The following LHX3 variants were observed in gnomAD, a reference collection of about 807,000 sequenced individuals.
The protein encoded by LHX3 is LIM/homeobox protein Lhx3.
In LHX3, 21 loss-of-function variants were observed where a neutral mutation model predicts 32.4. The observed-to-expected ratio is 0.65, with a 90% CI of 0.46 to 0.93. The LOEUF (loss-of-function observed/expected upper bound fraction) is 0.93, where lower values mean the gene tolerates loss of function less well. LHX3 is among the 40% of genes least tolerant of loss of function. The probability of loss-of-function intolerance (pLI) is 0.00; values close to 1 mark genes in which losing one functional copy is unlikely to be tolerated. For synonymous variants in LHX3, 258 were observed against 246.8 expected (o/e 1.05, Z -0.43); for missense variants, 626 against 560.0 (o/e 1.12, Z -1.19).
Position 136,197,412 on chromosome 9 carries a change from G to T in LHX3, c.1107C>A (p.Asp369Glu). 3 of 1,607,968 alleles carry T rather than the reference G, an allele frequency of 1.9e-6. No individual in the cohort carries two copies. Among genetic ancestry groups the T allele is most frequent in the Non-Finnish European group, 2.5e-6 (3 of 1,178,116 alleles). Residue 369 changes from aspartate to glutamate, a missense_variant, in exon 6 of 6, where the codon GAC (aspartate) becomes GAA (glutamate). Physicochemically the swap from Asp to Glu is conservative, Grantham distance 45. Coordinates refer to ENST00000371748, the MANE Select transcript of LHX3 (RefSeq NM_178138.6). ...RVLAGNGPSSDLSTGSSGGYP... is the reference protein window; with the variant it reads ...RVLAGNGPSSELSTGSSGGYP... ...AACCCCCGCTGCTCCCCGTGGATAG[G>T]TCAGAACTGGGTCCGTTCCCTGCCA... is the stretch of plus-strand genomic sequence containing the variant.
Position 136,197,164 on chromosome 9 carries a change from G to A in LHX3, c.*161C>T. On this transcript the variant is annotated 3_prime_UTR_variant, in exon 6 of 6. Transcript: ENST00000371748. ...GAGGAGGGGCCAGGTGGGTCCCTCA[G>A]CCCCCAGAGAGGGAGCTGTGCGGTC... 1 of 763,922 alleles carries A rather than the reference G, an allele frequency of 1.3e-6. No homozygotes were observed. Among genetic ancestry groups the A allele is most frequent in the South Asian group, 1.7e-5 (1 of 58,346 alleles). 47.3% of individuals were successfully genotyped at this position (763,922 alleles called of 1,614,324 possible).
At position 136,197,749 on chromosome 9, in the gene LHX3, A is replaced by G. The variant is rs1335821091; in HGVS notation, c.776-6T>C. 2 of 1,600,134 alleles carry G rather than the reference A, an allele frequency of 1.2e-6. No individual in the cohort carries two copies. The highest frequency in any genetic ancestry group is 2.2e-5 in the East Asian group (1 of 44,870). On this transcript the variant is annotated splice_region_variant and splice_polypyrimidine_tract_variant and intron_variant, in intron 5 of 5. Coordinates refer to ENST00000371748, the MANE Select transcript of LHX3 (RefSeq NM_178138.6). Reference sequence around the variant, plus strand: ...TTCCGCCAAGGAAGGCTCATCTGCAACAGAAGCAGAGGCTCAGTCAGCGCC... The same window carrying G: ...TTCCGCCAAGGAAGGCTCATCTGCAGCAGAAGCAGAGGCTCAGTCAGCGCC...
chr9:136,199,080 G>A, intron 3 of LHX3, 21 bp from the exon 4 acceptor site: 1 of 1,444,868 alleles, frequency 6.9e-7, no homozygotes, highest in Non-Finnish European at 9.1e-7. Context: ...GGCGAGCGGT[G>A]AGGCGCGGCA....
rs762995430 is a variant in LHX3, at chr9:136,198,952, C to G, written c.562G>C (p.Glu188Gln). 9 of 1,588,046 alleles carry G rather than the reference C, an allele frequency of 5.7e-6. No individual in the cohort carries two copies. Among genetic ancestry groups the G allele is most frequent in the South Asian group, 1.1e-5 (1 of 88,682 alleles). The change falls in exon 4 of 6, where the codon GAG (glutamate) becomes CAG (glutamine). Residue 188 changes from glutamate to glutamine, a missense_variant. By Grantham distance (29) the Glu-to-Gln change is conservative. Transcript: ENST00000371748. ...TSPKPARHVR[E>Q]QLSSETGLDM... is the part of the protein sequence containing the mutation. ...AGGCCCGTCTCGGACGAGAGCTGCT[C>G]GCGCACGTGGCGCGCCGGCTTGGGC...
At position 136,203,099 on chromosome 9, in the gene LHX3, C is replaced by T. The variant is rs1831685090; in HGVS notation, c.79+1835G>A. ...CCGAACTTTCCCGGGCCCAGCGACG[C>T]CACCCCGCAATAGCCCCGAACCGGC... is the stretch of plus-strand genomic sequence containing the variant. On this transcript the variant is annotated intron_variant, in intron 1 of 5. Coordinates refer to ENST00000371748, the MANE Select transcript of LHX3 (RefSeq NM_178138.6). 5.4e-6 allele frequency: 8 copies of T among 1,482,300 alleles called. No homozygotes were observed. The South Asian group carries it at 1.0e-4, about 19-fold the overall frequency. The allele number at this position is 1,482,300 out of a possible 1,614,324, so 91.8% of individuals were successfully genotyped here.
In LHX3 at chr9:136,196,958, G is replaced by C. The variant is rs1368071243; in HGVS notation, c.*367C>G. ...CAATTATGATGATTTCTCAGTTTTA[G>C]AGATGAAAGCGTTTTTCCAGCCCTC... is the stretch of plus-strand genomic sequence containing the variant. On this transcript the variant is annotated 3_prime_UTR_variant, in exon 6 of 6. Coordinates refer to ENST00000371748, the MANE Select transcript of LHX3 (RefSeq NM_178138.6). The C allele has an allele frequency of 6.0e-6, 2 of 332,546 alleles. No individual in the cohort carries two copies. The highest frequency in any genetic ancestry group is 2.1e-5 in the African/African-American group (1 of 46,930). The allele number at this position is 332,546 out of a possible 1,614,324, so 20.6% of individuals were successfully genotyped here. A position where few individuals can be genotyped will look rare whatever the true frequency, so the allele number is the denominator to read the frequency against.
chr9:136,204,134 C>T (rs1366027322), intron 1 of LHX3, among the ~76,000 whole-genome samples: 1 of 152,238 alleles, frequency 6.6e-6, no homozygotes, highest in Non-Finnish European at 1.5e-5. Flanking sequence ...ATACTCTGTC[C>T]ACTCTGCCTA....
In LHX3 at chr9:136,197,746, G is replaced by C. The variant is rs372072162; in HGVS notation, c.776-3C>G. The C allele has an allele frequency of 1.2e-6, 2 of 1,600,234 alleles. No individual in the cohort carries two copies. The highest frequency in any genetic ancestry group is 2.2e-5 in the East Asian group (1 of 44,886). On this transcript the variant is annotated splice_region_variant and splice_polypyrimidine_tract_variant and intron_variant, in intron 5 of 5. Transcript: ENST00000371748. ...CATTTCCGCCAAGGAAGGCTCATCT[G>C]CAACAGAAGCAGAGGCTCAGTCAGC...
intron 1 of LHX3, chr9:136,201,294 G>T: frequency 7.9e-7 from 1 of 1,260,932 alleles, no homozygotes; most frequent in Non-Finnish European, 1.0e-6. Context: ...AAATATCAAT[G>T]CCTTCCCCAT....
chr9:136,204,850 TGG>T, intron 1 of LHX3, 82 bp downstream of exon 1: 1 of 1,152,822 alleles, frequency 8.7e-7, no homozygotes, highest in Middle Eastern at 1.9e-4. Flanking sequence ...TTTCTTTGCC[TGG>T]CCGCTGGCCC....
chr9:136,204,792 ACT>A (rs1460083353), intron 1 of LHX3, 140 bp downstream of exon 1: 4 of 707,642 alleles, frequency 5.7e-6, no homozygotes, highest in East Asian at 5.6e-5. Flanking sequence ...CTGGAAACTC[ACT>A]CTCTGCAGTT....
intron 1 of LHX3, chr9:136,201,056 G>A: frequency 8.5e-7 from 1 of 1,175,474 alleles, no homozygotes; most frequent in Non-Finnish European, 1.2e-6. Flanking sequence ...ACAAAATGTT[G>A]CCAGTGCCAA....
At chr9:136,199,917 G>A (rs1423517993) in intron 2 of LHX3, 37 bp from the exon 3 acceptor site, 3 of 1,547,970 alleles carry the variant, frequency 1.9e-6, no homozygotes, top group East Asian at 4.9e-5. Flanking sequence ...GCGCGGAAGC[G>A]CGAGGCTCAT....
In LHX3 at chr9:136,197,720, C is replaced by G. The variant is rs1467093471; in HGVS notation, c.799G>C (p.Gly267Arg). 16 of 1,603,758 alleles carry G rather than the reference C, an allele frequency of 1.0e-5. No homozygotes were observed. The highest frequency in any genetic ancestry group is 5.5e-5 in the South Asian group (5 of 90,992). The change falls in exon 6 of 6, where the codon GGC (glycine) becomes CGC (arginine). Residue 267 changes from glycine to arginine, a missense_variant. Physicochemically the swap from Gly to Arg is moderately radical, Grantham distance 125. Coordinates refer to ENST00000371748, the MANE Select transcript of LHX3 (RefSeq NM_178138.6). ...FPDEPSLAEM[G>R]PANGLYGSLG... ...CTCCCGTAGAGGCCATTGGCCGGGC[C>G]CATTTCCGCCAAGGAAGGCTCATCT...
In LHX3 at chr9:136,201,428, G is replaced by GC. The variant is rs1449263682; in HGVS notation, c.80-676dup. The GC allele has an allele frequency of 1.9e-5, 23 of 1,227,838 alleles. No homozygotes were observed. The South Asian group carries it at 6.3e-4, about 34-fold the overall frequency. The allele number at this position is 1,227,838 out of a possible 1,614,324, so 76.1% of individuals were successfully genotyped here. A position where few individuals can be genotyped will look rare whatever the true frequency, so the allele number is the denominator to read the frequency against. On this transcript the variant is annotated intron_variant, in intron 1 of 5. Transcript: ENST00000371748. ...AAACGTCTGGCTTCCCGCTGCTTCTGCCCCCCACACCCCACTTCGGTACTG... is the reference window on the plus strand; with the variant it reads ...AAACGTCTGGCTTCCCGCTGCTTCTGCCCCCCCACACCCCACTTCGGTACTG...
chr9:136,199,296 C>T (rs909131773), intron 3 of LHX3, among the ~76,000 whole-genome samples: 3 of 152,280 alleles, frequency 2.0e-5, no homozygotes, highest in South Asian at 2.1e-4. Context: ...GCGGGGGCGG[C>T]GCCTTCCCTA....
At chr9:136,202,385 A>G (rs1026869239) in intron 1 of LHX3, among the ~76,000 whole-genome samples, 6 of 152,016 alleles carry the variant, frequency 3.9e-5, no homozygotes, top group Non-Finnish European at 7.4e-5. Context: ...GCTGGGAGCT[A>G]GAGTGGTGCC....
chr9:136,203,058 T>A, intron 1 of LHX3: 1 of 1,515,284 alleles, frequency 6.6e-7, no homozygotes, highest in East Asian at 2.6e-5. Context: ...CCGCCCGGCG[T>A]CGCCACTCTC....
chr9:136,202,950 G>A lies in LHX3; in HGVS notation c.79+1984C>T. Reference sequence around the variant, plus strand: ...CCACTCGGCCCGGGCACCCACCTCGGCGCAGGTCCGCCCTCCGCGCCAGCA... The same window carrying A: ...CCACTCGGCCCGGGCACCCACCTCGACGCAGGTCCGCCCTCCGCGCCAGCA... On this transcript the variant is annotated intron_variant, in intron 1 of 5. Coordinates refer to ENST00000371748, the MANE Select transcript of LHX3 (RefSeq NM_178138.6). The A allele has an allele frequency of 6.5e-7, 1 of 1,532,264 alleles. No homozygotes were observed. Among genetic ancestry groups the A allele is most frequent in the Non-Finnish European group, 8.7e-7 (1 of 1,145,616 alleles). 94.9% of individuals were successfully genotyped at this position (1,532,264 alleles called of 1,614,324 possible).
Sources: allele counts gnomAD v4.1 joint callset (sites outside exome capture counted in the v4.1 genomes callset), GRCh38; gene constraint gnomAD v4.1.1; transcripts MANE v1.5; gene names NCBI Gene and HGNC (gene_info 2026-07-23, HGNC 2026-07-21).